TJP1: variants seen among roughly 807,000 people sequenced by gnomAD.
The protein encoded by TJP1 is tight junction protein 1.
Under a neutral mutation model 194.2 loss-of-function variants are expected in TJP1, and 43 were observed. That is an observed-to-expected ratio of 0.22 (90% CI 0.17 to 0.29). The LOEUF (loss-of-function observed/expected upper bound fraction) is 0.29, where lower values mean the gene tolerates loss of function less well. Among genes scored for constraint, TJP1 ranks in the 10% least tolerant of loss-of-function variants. The pLI is 1.00. For synonymous variants in TJP1, 801 were observed against 779.0 expected (o/e 1.03, Z -0.47); for missense variants, 1,971 against 2,185.7 (o/e 0.90, Z 1.96).
chr15:29,855,804 C>T (rs1018650784), intron 2 of TJP1, among the ~76,000 whole-genome samples: 3 of 151,282 alleles, frequency 2.0e-5, no homozygotes, highest in South Asian at 2.1e-4. Flanking sequence ...TTCAGTGAGC[C>T]GAGATAACAA....
intron 8 of TJP1, among the ~76,000 whole-genome samples, chr15:29,746,247 G>A (rs1428083116): frequency 3.3e-5 from 5 of 151,988 alleles, no homozygotes; most frequent in Admixed American, 1.3e-4. Flanking sequence ...GCGTGGTGGC[G>A]GGAGCCTGCA....
intron 2 of TJP1, among the ~76,000 whole-genome samples, chr15:29,931,160 T>C (rs561672270): frequency 6.6e-6 from 1 of 152,300 alleles, no homozygotes; most frequent in South Asian, 2.1e-4. Context: ...AAAAAAATCA[T>C]ATAGAAGAGA....
intron 2 of TJP1, among the ~76,000 whole-genome samples, chr15:29,868,188 T>C (rs2052373424): frequency 6.6e-6 from 1 of 152,128 alleles, no homozygotes; most frequent in African/African-American, 2.4e-5. Context: ...GCCATTGCAC[T>C]CAGCATGGGT....
At chr15:29,784,125 T>TA (rs887666205) in intron 2 of TJP1, among the ~76,000 whole-genome samples, 1 of 151,894 alleles carries the variant, frequency 6.6e-6, no homozygotes, top group African/African-American at 2.4e-5. Flanking sequence ...AAAATTAGTT[T>TA]AAAAAACAAA....
intron 16 of TJP1, among the ~76,000 whole-genome samples, chr15:29,727,367 A>G (rs2043306151): frequency 6.6e-6 from 1 of 152,138 alleles, no homozygotes; most frequent in Admixed American, 6.6e-5. Context: ...AATACAAACC[A>G]AAACAAAACA....
chr15:29,766,597 C>G (rs2046346652), intron 4 of TJP1, 55 bp from the exon 5 acceptor site: 2 of 1,492,190 alleles, frequency 1.3e-6, no homozygotes, highest in Admixed American at 4.6e-5. Flanking sequence ...TATGTACGTT[C>G]AGTTCCAAAG....
At chr15:29,963,319 T>G (rs1026357629) in intron 1 of TJP1, among the ~76,000 whole-genome samples, 3 of 151,232 alleles carry the variant, frequency 2.0e-5, no homozygotes, top group African/African-American at 4.9e-5. Context: ...TAGACTGTCA[T>G]CTCACTGATC....
intron 2 of TJP1, among the ~76,000 whole-genome samples, chr15:29,799,841 G>A (rs2048668613): frequency 6.6e-6 from 1 of 152,146 alleles, no homozygotes; most frequent in South Asian, 2.1e-4. Context: ...TCCTAATAAT[G>A]GATATAGCTG....
chr15:29,774,685 T>C (rs2046906611), intron 2 of TJP1, among the ~76,000 whole-genome samples: 1 of 151,972 alleles, frequency 6.6e-6, no homozygotes, highest in African/African-American at 2.4e-5. Context: ...CTGGTGATGG[T>C]CACACAACTC....
Position 29,701,735 on chromosome 15 carries a change from C to T in TJP1, c.5213-46G>A, listed in dbSNP as rs770181289. ...ATGTCATTTACAGTTCAGTAAACTG[C>T]TATCCGTAATGCTTTGCAATTATAG... On this transcript the variant is annotated intron_variant, in intron 27 of 27. Coordinates refer to ENST00000614355, the MANE Select transcript of TJP1 (RefSeq NM_001330239.4). 4.9e-6 allele frequency: 7 copies of T among 1,429,726 alleles called. No individual in the cohort carries two copies. In the East Asian group the frequency reaches 1.6e-4, roughly 33 times the overall value. The allele number at this position is 1,429,726 out of a possible 1,614,324, so 88.6% of individuals were successfully genotyped here. A position where few individuals can be genotyped will look rare whatever the true frequency, so the allele number is the denominator to read the frequency against.
Position 29,719,036 on chromosome 15 carries a change from T to C in TJP1, c.3106A>G (p.Asn1036Asp), listed in dbSNP as rs2042768257. The C allele has an allele frequency of 6.2e-7, 1 of 1,614,214 alleles. No individual in the cohort carries two copies. Among genetic ancestry groups the C allele is most frequent in the South Asian group, 1.1e-5 (1 of 91,084 alleles). Residue 1036 changes from asparagine to aspartate, a missense_variant, in exon 21 of 28, where the codon AAT becomes GAT. Asn to Asp is a conservative substitution (Grantham distance 23, BLOSUM62 1). Coordinates refer to ENST00000614355, the MANE Select transcript of TJP1 (RefSeq NM_001330239.4). ...GGGAGTTGGGGTTCATAGGTCAGAT[T>C]AGGCTCTTTGTCTGGCCTGTGCCCT... ...HPGHRPDKEP[N>D]LTYEPQLPYV...
chr15:29,869,425 G>A (rs141772080), intron 2 of TJP1, among the ~76,000 whole-genome samples: 125 of 152,292 alleles, frequency 8.2e-4, no homozygotes, highest in African/African-American at 2.3e-3. Context: ...TGTGTTAGAC[G>A]TGACATCTCT....
intron 23 of TJP1, among the ~76,000 whole-genome samples, chr15:29,712,387 T>C (rs1335295367): frequency 6.6e-6 from 1 of 152,146 alleles, no homozygotes; most frequent in Non-Finnish European, 1.5e-5. Flanking sequence ...CAAGTAGTCA[T>C]AGCTAGTGTA....
At chr15:29,836,569 C>T (rs973020147) in intron 2 of TJP1, among the ~76,000 whole-genome samples, 2 of 152,116 alleles carry the variant, frequency 1.3e-5, no homozygotes, top group East Asian at 1.9e-4. Context: ...TGCGCCCAGC[C>T]GGGATGATCA....
chr15:29,949,763 A>T (rs1490933760), intron 2 of TJP1, among the ~76,000 whole-genome samples: 13 of 68,836 alleles, frequency 1.9e-4, no homozygotes, highest in Admixed American at 5.4e-4. Flanking sequence ...TTTCACCACC[A>T]CTACCTCCAC....
chr15:29,738,865 TAAAAAAAAAAA>T (rs71103406), intron 10 of TJP1, among the ~76,000 whole-genome samples: 6 of 48,864 alleles, frequency 1.2e-4, no homozygotes, highest in Non-Finnish European at 2.0e-4. Context: ...CTGTCACTAC[TAAAAAAAAAAA>T]AAAAAAAAAA....
intron 1 of TJP1, among the ~76,000 whole-genome samples, chr15:29,805,159 A>G (rs576916025): frequency 6.6e-6 from 1 of 152,356 alleles, no homozygotes; most frequent in Non-Finnish European, 1.5e-5. Context: ...TCAACTGACT[A>G]GAATCACAAT....
At chr15:29,818,452 A>C (rs2050087390) in intron 1 of TJP1, among the ~76,000 whole-genome samples, 1 of 152,278 alleles carries the variant, frequency 6.6e-6, no homozygotes, top group Non-Finnish European at 1.5e-5. Context: ...ACCAGTAAAC[A>C]AAATTCTGAC....
At chr15:29,950,802 T>G (rs1407776456) in intron 2 of TJP1, among the ~76,000 whole-genome samples, 3 of 152,186 alleles carry the variant, frequency 2.0e-5, no homozygotes, top group African/African-American at 7.2e-5. Context: ...AAAAGGCAGT[T>G]TTGTGTCAAA....
Sources: allele counts gnomAD v4.1 joint callset (sites outside exome capture counted in the v4.1 genomes callset), GRCh38; gene constraint gnomAD v4.1.1; transcripts MANE v1.5; gene names NCBI Gene and HGNC (gene_info 2026-07-23, HGNC 2026-07-21).